Variants in LAMA2 observed in about 807,000 individuals in gnomAD.
The protein encoded by LAMA2 is laminin subunit alpha-2.
A neutral mutation model predicts 364.8 loss-of-function variants in LAMA2; 269 were observed. The ratio of observed to expected loss-of-function variants is 0.74; its 90% confidence interval spans 0.67 to 0.82. The LOEUF (loss-of-function observed/expected upper bound fraction) is 0.82. LAMA2 is among the 40% of genes least tolerant of loss of function. The probability of loss-of-function intolerance (pLI) is 0.00; values close to 1 mark genes in which losing one functional copy is unlikely to be tolerated. For synonymous variants in LAMA2, 1,379 were observed against 1,370.6 expected (o/e 1.01, Z -0.14); for missense variants, 3,807 against 3,873.2 (o/e 0.98, Z 0.45).
intron 40 of LAMA2, among the ~76,000 whole-genome samples, chr6:129,410,789 A>G (rs1313359429): frequency 6.6e-6 from 1 of 152,098 alleles, no homozygotes; most frequent in African/African-American, 2.4e-5. Context: ...AGAATAAGAG[A>G]TTTATTATGA....
At chr6:128,905,740 C>T (rs1472843474) in intron 1 of LAMA2, among the ~76,000 whole-genome samples, 44 of 151,804 alleles carry the variant, frequency 2.9e-4, no homozygotes, top group African/African-American at 7.7e-4. Flanking sequence ...CCCACTAACT[C>T]GTCATCTAGC....
intron 6 of LAMA2, among the ~76,000 whole-genome samples, chr6:129,148,610 A>G (rs1384420829): frequency 1.3e-5 from 2 of 152,114 alleles, no homozygotes; most frequent in African/African-American, 2.4e-5. Flanking sequence ...CCTTCTTGCC[A>G]TATCCAAAAA....
intron 40 of LAMA2, among the ~76,000 whole-genome samples, chr6:129,426,534 G>A (rs983588824): frequency 1.3e-5 from 2 of 151,792 alleles, no homozygotes; most frequent in South Asian, 2.1e-4. Context: ...GAGAACTGTA[G>A]CAATGAGAAT....
intron 45 of LAMA2, among the ~76,000 whole-genome samples, chr6:129,449,290 A>C (rs1782544613): frequency 6.6e-6 from 1 of 152,198 alleles, no homozygotes; most frequent in Non-Finnish European, 1.5e-5. Context: ...ATTTATTCTC[A>C]CAGTTCTGGA....
At chr6:129,195,726 C>T (rs1583225033) in intron 12 of LAMA2, among the ~76,000 whole-genome samples, 1 of 152,136 alleles carries the variant, frequency 6.6e-6, no homozygotes, top group Admixed American at 6.5e-5. Flanking sequence ...AATGTTAATG[C>T]TTGGTTTTAG....
chr6:129,379,469 G>A (rs371498051), intron 34 of LAMA2, among the ~76,000 whole-genome samples: 4 of 152,100 alleles, frequency 2.6e-5, no homozygotes, highest in South Asian at 4.1e-4. Flanking sequence ...ATGCTAACCC[G>A]CATTAAGTTG....
intron 16 of LAMA2, 52 bp downstream of exon 16, chr6:129,267,271 G>C: frequency 8.5e-7 from 1 of 1,180,302 alleles, no homozygotes; most frequent in Non-Finnish European, 1.3e-6. Context: ...AAATCACCTC[G>C]ACAGATGCTA....
At chr6:129,169,713 A>G (rs1399965167) in intron 9 of LAMA2, among the ~76,000 whole-genome samples, 1 of 135,642 alleles carries the variant, frequency 7.4e-6, no homozygotes, top group Non-Finnish European at 1.6e-5. Context: ...TTTTCTATTG[A>G]TTGGAATAGT....
intron 14 of LAMA2, among the ~76,000 whole-genome samples, chr6:129,253,788 C>T (rs2114293622): frequency 1.3e-5 from 2 of 152,248 alleles, no homozygotes; most frequent in South Asian, 4.1e-4. Flanking sequence ...CAGTGTCTAC[C>T]CGTCTTAAAA....
rs1554273762 is a variant in LAMA2 at position 129,330,598 on chromosome 6, GTTT to G, written c.4311+2201_4311+2203del. 4.3e-3 allele frequency among the ~76,000 whole-genome samples: 384 copies of G among 88,676 alleles called. 2 individuals are homozygous for G. The highest frequency in any genetic ancestry group is 0.014 in the African/African-American group (355 of 25,510). The allele number at this position is 88,676 out of a possible 152,430, so 58.2% of individuals were successfully genotyped here. A position where few individuals can be genotyped will look rare whatever the true frequency, so the allele number is the denominator to read the frequency against. ...GTTTTTTTGTTGTTGTTTGGTTTTT[GTTT>G]TTTTTTTTTTTTTTCCCACTGTGTC... On this transcript the variant is annotated intron_variant, in intron 29 of 64. Transcript: ENST00000421865.
intron 3 of LAMA2, among the ~76,000 whole-genome samples, chr6:129,069,883 GTATTTA>G (rs1773200219): frequency 6.7e-6 from 1 of 149,850 alleles, no homozygotes; most frequent in Admixed American, 6.7e-5. Flanking sequence ...TTAGCTATAT[GTATTTA>G]TATGTACCTA....
At chr6:128,992,876 A>G (rs1783691113) in intron 1 of LAMA2, among the ~76,000 whole-genome samples, 1 of 152,138 alleles carries the variant, frequency 6.6e-6, no homozygotes, top group Non-Finnish European at 1.5e-5. Context: ...ATGAAGAGAA[A>G]GCTATAACTA....
At position 129,221,296 on chromosome 6, in the gene LAMA2, C is replaced by CT. The variant is rs58171173; in HGVS notation, c.1782+28458dup. 6.5e-3 allele frequency among the ~76,000 whole-genome samples: 821 copies of CT among 125,826 alleles called. 7 individuals are homozygous for CT. The highest frequency in any genetic ancestry group is 0.013 in the African/African-American group (476 of 35,286). The allele number at this position is 125,826 out of a possible 152,430, so 82.5% of individuals were successfully genotyped here. ...AAAGCATAATTGATTATACTGGTTT[C>CT]TTTTTTTTTTTTTTTCATTTGGAAC... is the stretch of plus-strand genomic sequence containing the variant. On this transcript the variant is annotated intron_variant, in intron 12 of 64. Coordinates refer to ENST00000421865, the MANE Select transcript of LAMA2 (RefSeq NM_000426.4).
At chr6:129,270,305 ACACACACACACG>A (rs1405335608) in intron 16 of LAMA2, among the ~76,000 whole-genome samples, 2 of 139,828 alleles carry the variant, frequency 1.4e-5, no homozygotes, top group African/African-American at 5.2e-5. Context: ...ACACACACAC[ACACACACACACG>A]CAATATCATG....
At chr6:129,112,218 G>T (rs1020054723) in intron 4 of LAMA2, among the ~76,000 whole-genome samples, 1 of 151,756 alleles carries the variant, frequency 6.6e-6, no homozygotes, top group Non-Finnish European at 1.5e-5. Flanking sequence ...ATCCTCTATT[G>T]CTTTTTAAAG....
intron 1 of LAMA2, among the ~76,000 whole-genome samples, chr6:128,958,960 G>A (rs4897285): frequency 0.6 from 91,750 of 151,982 alleles, 30,993 homozygotes; most frequent in East Asian, 0.82. Flanking sequence ...ACTCTCATCT[G>A]ACCCTCACAC....
intron 63 of LAMA2, among the ~76,000 whole-genome samples, chr6:129,513,629 C>G (rs1022478255): frequency 6.6e-6 from 1 of 152,188 alleles, no homozygotes; most frequent in African/African-American, 2.4e-5. Flanking sequence ...TCTTGCCAAA[C>G]TGACTAATGT....
At chr6:129,209,681 G>A (rs750181917) in intron 12 of LAMA2, among the ~76,000 whole-genome samples, 4 of 152,046 alleles carry the variant, frequency 2.6e-5, no homozygotes, top group Non-Finnish European at 1.5e-5. Flanking sequence ...AGGCTTTTTT[G>A]CATCAGTCAT....
At position 129,282,761 on chromosome 6, in the gene LAMA2, CA is replaced by C. The variant is rs569519630; in HGVS notation, c.2537+2616del. Among the ~76,000 whole-genome samples the C allele has an allele frequency of 4.7e-4, 71 of 152,234 alleles. 1 individual carries two copies. Among genetic ancestry groups the C allele is most frequent in the South Asian group, 1.9e-3 (9 of 4,822 alleles). ...TCTTTCATTCCATGCTAAGACCCAC[CA>C]ACATCTCTACCATCATCATTTTTCC... is the stretch of plus-strand genomic sequence containing the variant. On this transcript the variant is annotated intron_variant, in intron 18 of 64. Coordinates refer to ENST00000421865, the MANE Select transcript of LAMA2 (RefSeq NM_000426.4).
Sources: gnomAD v4.1 joint callset for allele counts (sites outside exome capture counted in the v4.1 genomes callset) on GRCh38, gnomAD v4.1.1 for gene constraint, MANE v1.5 for transcripts, NCBI Gene and HGNC (gene_info 2026-07-23, HGNC 2026-07-21) for gene names.